SNX9: variants seen among roughly 807,000 people sequenced by gnomAD.
The protein encoded by SNX9 is sorting nexin-9.
SNX9 carries 44 observed loss-of-function variants against 89.4 expected under a neutral mutation model. The observed-to-expected ratio is 0.49, with a 90% CI of 0.39 to 0.63. The LOEUF is 0.63. SNX9 is among the 30% of genes least tolerant of loss of function. The probability of loss-of-function intolerance (pLI) is 0.00; values close to 1 mark genes in which losing one functional copy is unlikely to be tolerated. For missense variants in SNX9, 578 were observed against 736.1 expected (o/e 0.79, Z 2.49); for synonymous variants, 236 against 247.8 (o/e 0.95, Z 0.45).
chr6:157,892,196 C>T (rs1397179451), intron 4 of SNX9, among the ~76,000 whole-genome samples: 2 of 152,058 alleles, frequency 1.3e-5, no homozygotes, highest in African/African-American at 2.4e-5. Context: ...TTTACCGTGA[C>T]GAGGTGTCTG....
intron 9 of SNX9, among the ~76,000 whole-genome samples, chr6:157,916,452 C>T (rs1783474158): frequency 6.6e-6 from 1 of 152,176 alleles, no homozygotes; most frequent in African/African-American, 2.4e-5. Context: ...GCTAGGACTT[C>T]CTGTATGCTC....
rs1013029906 is a variant in SNX9 at position 157,909,568 on chromosome 6, C to T, written c.706-97C>T. ...GGAACAAGAATGACCCTCCAAAGGA[C>T]TTCTCATTCTGAAAAGAATTACTTG... On this transcript the variant is annotated intron_variant, in intron 7 of 17. Coordinates refer to ENST00000392185, the MANE Select transcript of SNX9 (RefSeq NM_016224.5). 6 of 1,420,490 alleles carry T rather than the reference C, an allele frequency of 4.2e-6. No homozygotes were observed. The African/African-American group carries it at 4.2e-5, about 10-fold the overall frequency. 88.0% of individuals were successfully genotyped at this position (1,420,490 alleles called of 1,614,324 possible).
intron 1 of SNX9, among the ~76,000 whole-genome samples, chr6:157,840,406 A>ATTT (rs1554291560): frequency 0.062 from 8,038 of 128,676 alleles, 759 homozygotes; most frequent in African/African-American, 0.2. Context: ...TACAAAAAAT[A>ATTT]CTTTCTTTCT....
intron 9 of SNX9, among the ~76,000 whole-genome samples, chr6:157,916,069 C>G (rs1783464813): frequency 6.6e-6 from 1 of 150,814 alleles, no homozygotes; most frequent in Non-Finnish European, 1.5e-5. Flanking sequence ...GAGTCTCGCT[C>G]TGTCGCCCAG....
Position 157,831,324 on chromosome 6 carries a change from T to C in SNX9, c.12+7878T>C, listed in dbSNP as rs139396234. Among the ~76,000 whole-genome samples the C allele has an allele frequency of 1.8e-4, 27 of 152,342 alleles. No individual in the cohort carries two copies. In the East Asian group the frequency reaches 5.0e-3, roughly 28 times the overall value. On this transcript the variant is annotated intron_variant, in intron 1 of 17. Coordinates refer to ENST00000392185, the MANE Select transcript of SNX9 (RefSeq NM_016224.5). Reference sequence around the variant, plus strand: ...TCCAGGGAGGATTTGTGTGTGCTGATACCAGTCTCCTGGGGACATTACATC... The same window carrying C: ...TCCAGGGAGGATTTGTGTGTGCTGACACCAGTCTCCTGGGGACATTACATC...
At chr6:157,832,541 G>A (rs981929027) in intron 1 of SNX9, among the ~76,000 whole-genome samples, 4 of 152,260 alleles carry the variant, frequency 2.6e-5, no homozygotes, top group South Asian at 2.1e-4. Context: ...AGAAATACCC[G>A]AGGCTAGGTA....
At chr6:157,887,342 T>G (rs1006979685) in intron 4 of SNX9, among the ~76,000 whole-genome samples, 4 of 152,188 alleles carry the variant, frequency 2.6e-5, no homozygotes, top group African/African-American at 9.6e-5. Context: ...GGGGTTGCAC[T>G]CTTGATTCAC....
At chr6:157,915,822 C>CA (rs570701086) in intron 9 of SNX9, among the ~76,000 whole-genome samples, 1,131 of 89,314 alleles carry the variant, frequency 0.013, 52 homozygotes, top group Admixed American at 0.018. Context: ...TAGACTCTGT[C>CA]AAAAAAAAAA....
intron 4 of SNX9, among the ~76,000 whole-genome samples, chr6:157,880,826 C>G (rs1446737717): frequency 6.6e-6 from 1 of 152,208 alleles, no homozygotes; most frequent in African/African-American, 2.4e-5. Flanking sequence ...TCCCAGATCT[C>G]ACACATCCTA....
chr6:157,829,044 C>T (rs1196013995), intron 1 of SNX9: 1 of 152,088 alleles, frequency 6.6e-6, no homozygotes, highest in Non-Finnish European at 1.5e-5. Context: ...AACTATTAAT[C>T]CCCAGCTGTA....
intron 2 of SNX9, among the ~76,000 whole-genome samples, chr6:157,869,293 G>C (rs1449011582): frequency 1.3e-5 from 2 of 152,122 alleles, no homozygotes; most frequent in Non-Finnish European, 2.9e-5. Flanking sequence ...TCTCTGTGGT[G>C]ATGACTTTAA....
intron 1 of SNX9, among the ~76,000 whole-genome samples, chr6:157,863,954 T>TTTAA (rs1782199057): frequency 6.6e-6 from 1 of 152,264 alleles, no homozygotes; most frequent in Admixed American, 6.5e-5. Context: ...AAGAAGCATC[T>TTTAA]GTTTAAGTCT....
intron 1 of SNX9, among the ~76,000 whole-genome samples, chr6:157,841,941 A>G (rs1208392247): frequency 6.6e-6 from 1 of 151,912 alleles, no homozygotes; most frequent in African/African-American, 2.4e-5. Flanking sequence ...CTCATCACCC[A>G]CCTCCACAGT....
At chr6:157,855,905 A>AT (rs1202659695) in intron 1 of SNX9, among the ~76,000 whole-genome samples, 1 of 151,142 alleles carries the variant, frequency 6.6e-6, no homozygotes, top group Non-Finnish European at 1.5e-5. Context: ...CCAAGCTAAT[A>AT]TTTTTTTGTT....
At chr6:157,933,874 G>T (rs1783867699) in intron 13 of SNX9, among the ~76,000 whole-genome samples, 1 of 152,182 alleles carries the variant, frequency 6.6e-6, no homozygotes. Context: ...ATAATTAAAT[G>T]TTCCATATTG....
chr6:157,823,451 G>A lies in SNX9; in HGVS notation c.12+5G>A. 2.4e-6 allele frequency: 3 copies of A among 1,224,528 alleles called. No homozygotes were observed. The highest frequency in any genetic ancestry group is 3.0e-6 in the Non-Finnish European group (3 of 985,050). The allele number at this position is 1,224,528 out of a possible 1,614,324, so 75.9% of individuals were successfully genotyped here. ...CCGCCCGCCATGGCCACCAAGGTGA[G>A]GGGCGCGCGGCGCAGGCCGGGCCGG... On this transcript the variant is annotated splice_donor_5th_base_variant and intron_variant, in intron 1 of 17. Transcript: ENST00000392185. This position sits in a 1 kb window ranked among gnomAD's most constrained non-coding sequence, Gnocchi z 4.6.
chr6:157,906,293 A>G (rs1783214410), intron 7 of SNX9, 81 bp downstream of exon 7: 4 of 1,094,384 alleles, frequency 3.7e-6, no homozygotes, highest in East Asian at 5.3e-5. Flanking sequence ...CGAGTTATTC[A>G]TCTTTTGGAA....
Position 157,936,033 on chromosome 6 carries a change from C to T in SNX9, c.1436C>T (p.Ala479Val). 6.2e-7 allele frequency: 1 copy of T among 1,610,876 alleles called. No individual in the cohort carries two copies. Among genetic ancestry groups the T allele is most frequent in the Non-Finnish European group, 8.5e-7 (1 of 1,178,048 alleles). ...TATGAAGAAATTGCCAGTCTCGTGG[C>T]AGAACAGGTACTAACATAATCACAC... ...KTYEEIASLV[A>V]EQPKKDLHFL... Residue 479 changes from alanine (A) to valine (V), a missense_variant, in exon 14 of 18, where the codon GCA becomes GTA. Ala to Val is a moderately conservative substitution (Grantham distance 64, BLOSUM62 0). Coordinates refer to ENST00000392185, the MANE Select transcript of SNX9 (RefSeq NM_016224.5).
chr6:157,927,376 A>G (rs943650182), intron 11 of SNX9, among the ~76,000 whole-genome samples, 162 bp downstream of exon 11: 2 of 152,240 alleles, frequency 1.3e-5, no homozygotes, highest in South Asian at 2.1e-4. Context: ...TCATTTGTAC[A>G]TAGAAGTACT....
Sources: gnomAD v4.1 joint callset for allele counts (sites outside exome capture counted in the v4.1 genomes callset) on GRCh38, gnomAD v4.1.1 for gene constraint, Gnocchi (gnomAD v3.1) non-coding constraint, MANE v1.5 for transcripts, NCBI Gene and HGNC (gene_info 2026-07-23, HGNC 2026-07-21) for gene names.